The following TUSC3 variants were observed in gnomAD, a reference collection of about 807,000 sequenced individuals.
TUSC3 encodes dolichyl-diphosphooligosaccharide--protein glycosyltransferase subunit TUSC3.
Under a neutral mutation model 44.8 loss-of-function variants are expected in TUSC3, and 45 were observed. The ratio of observed to expected loss-of-function variants is 1.00; its 90% CI spans 0.79 to 1.29. TUSC3 has a LOEUF of 1.29. Among genes scored for constraint, TUSC3 ranks in the 50% most tolerant of loss-of-function variants. TUSC3 has a pLI of 0.00. For missense variants in TUSC3, 519 were observed against 437.9 expected, an observed-to-expected ratio of 1.19 and a Z score of -1.65; for synonymous variants, 212 against 152.9, an observed-to-expected ratio of 1.39 and a Z score of -2.85.
chr8:15,738,022 A>G (rs1195823238), intron 7 of TUSC3, among the ~76,000 whole-genome samples: 1 of 152,126 alleles, frequency 6.6e-6, no homozygotes, highest in Non-Finnish European at 1.5e-5. Context: ...ATCTTTAAAT[A>G]ATAGGGAGGG....
rs188014681 is a variant in TUSC3 at position 15,519,363 on chromosome 8, A to G, written n.189+35880A>G. 2.8e-3 allele frequency among the ~76,000 whole-genome samples: 427 copies of G among 152,260 alleles called. 2 individuals carry two copies. Among genetic ancestry groups the G allele is most frequent in the Non-Finnish European group, 4.2e-3 (288 of 68,018 alleles). The stretch of plus-strand genomic sequence containing the variant: ...TTTATAGCTTTTCTTTGTTACAGCT[A>G]TATAGGCTTTCAACAAGCTTATTAC... On this transcript the variant is annotated intron_variant and non_coding_transcript_variant, in intron 2 of 5. Coordinates refer to the TUSC3 transcript ENST00000503191.
chr8:15,582,725 C>G (rs1024901353), intron 1 of TUSC3, among the ~76,000 whole-genome samples: 1 of 152,298 alleles, frequency 6.6e-6, no homozygotes, highest in South Asian at 2.1e-4. Context: ...CTGGTGTAAC[C>G]TGAAACCAGT....
At chr8:15,823,324 A>G in the TUSC3 span, among the ~76,000 whole-genome samples, 1 of 152,118 alleles carries the variant, frequency 6.6e-6, no homozygotes, top group Admixed American at 6.6e-5. Flanking sequence ...AAGCAGCCAT[A>G]ACCTCAGTTT....
chr8:15,447,175 T>A (rs1480920541), intron 1 of TUSC3, among the ~76,000 whole-genome samples: 2 of 152,080 alleles, frequency 1.3e-5, no homozygotes, highest in Non-Finnish European at 2.9e-5. Flanking sequence ...ATATCAAGAA[T>A]AGTTATTCAG....
chr8:15,824,583 G>T, the TUSC3 span, among the ~76,000 whole-genome samples: 1 of 145,032 alleles, frequency 6.9e-6, no homozygotes, highest in Non-Finnish European at 1.5e-5. Flanking sequence ...ACAGGAAGGG[G>T]AACATCACAC....
downstream of TUSC3, among the ~76,000 whole-genome samples, chr8:15,768,412 C>T (rs545694559): frequency 6.6e-6 from 1 of 152,106 alleles, no homozygotes; most frequent in South Asian, 2.1e-4. Context: ...AAACATGAGG[C>T]ATATGAAGAG....
intron 6 of TUSC3, among the ~76,000 whole-genome samples, chr8:15,696,443 G>C (rs947676534): frequency 2.6e-5 from 4 of 152,284 alleles, no homozygotes; most frequent in African/African-American, 9.6e-5. Flanking sequence ...ATGCAGGGGT[G>C]GGGCACTCAA....
At chr8:15,470,422 T>C (rs1800474852) in intron 1 of TUSC3, among the ~76,000 whole-genome samples, 1 of 152,162 alleles carries the variant, frequency 6.6e-6, no homozygotes, top group Admixed American at 6.5e-5. Context: ...GGGTTAGTAA[T>C]GTAACCCTAA....
intron 10 of TUSC3, among the ~76,000 whole-genome samples, chr8:15,759,054 G>A (rs1585311689): frequency 6.6e-6 from 1 of 152,096 alleles, no homozygotes; most frequent in Non-Finnish European, 1.5e-5. Flanking sequence ...TGTACTTCTC[G>A]CTAGCATTCT....
chr8:15,499,992 C>G (rs144712536), intron 2 of TUSC3, among the ~76,000 whole-genome samples: 97 of 152,212 alleles, frequency 6.4e-4, no homozygotes, highest in Non-Finnish European at 1.0e-3. Flanking sequence ...ATATTTTAAA[C>G]TCCATTCCTT....
the TUSC3 span, among the ~76,000 whole-genome samples, chr8:15,775,872 C>T: frequency 2.6e-5 from 4 of 150,946 alleles, no homozygotes; most frequent in African/African-American, 9.7e-5. Context: ...TATATAGGAG[C>T]AAGATGCTTA....
intron 1 of TUSC3, among the ~76,000 whole-genome samples, chr8:15,563,787 C>G (rs555759113): frequency 6.0e-5 from 9 of 150,686 alleles, no homozygotes; most frequent in Non-Finnish European, 1.0e-4. Context: ...TTGCATGATA[C>G]TGAGAAAATA....
At chr8:15,629,292 G>T (rs1805652372) in intron 2 of TUSC3, among the ~76,000 whole-genome samples, 2 of 152,050 alleles carry the variant, frequency 1.3e-5, no homozygotes, top group South Asian at 4.1e-4. Context: ...TTTCAAAGGG[G>T]CGTCTGTTAA....
At chr8:15,489,444 T>A (rs985184596) in intron 2 of TUSC3, among the ~76,000 whole-genome samples, 1 of 152,184 alleles carries the variant, frequency 6.6e-6, no homozygotes, top group Non-Finnish European at 1.5e-5. Context: ...CTTTAGAAGT[T>A]GCTGGACTCT....
chr8:15,814,862 A>G, the TUSC3 span, among the ~76,000 whole-genome samples: 1 of 152,150 alleles, frequency 6.6e-6, no homozygotes, highest in Admixed American at 6.6e-5. Flanking sequence ...AAGTATATAA[A>G]TGTTGATTGC....
rs753786220 is a variant in TUSC3, at chr8:15,623,235, G to T, written c.294G>T (p.Gln98His). The part of the protein sequence containing the change: ...VMFTALQPQR[Q>H]CSVCRQANEE... ...TCACTGCTCTTCAGCCTCAGCGGCA[G>T]TGTTCTGTGTGCAGGTAATTTATGT... is the stretch of plus-strand genomic sequence containing the variant. Residue 98 changes from glutamine to histidine, a missense_variant, in exon 2 of 11, where the codon CAG becomes CAT. By Grantham distance (24) the Gln-to-His change is conservative (BLOSUM62 0). Coordinates refer to ENST00000503731, the MANE Select transcript of TUSC3 (RefSeq NM_006765.4). 1 of 1,605,948 alleles carries T rather than the reference G, an allele frequency of 6.2e-7. No individual in the cohort carries two copies. The highest frequency in any genetic ancestry group is 8.5e-7 in the Non-Finnish European group (1 of 1,176,224).
In TUSC3 at chr8:15,652,539, C is replaced by T. The variant is rs919521848; in HGVS notation, c.426+1725C>T. ...GGCAAGAAAAACATACATAGTTCTC[C>T]TCTATAAGCAGCTTACAGATTAGGG... On this transcript the variant is annotated intron_variant, in intron 3 of 10. Transcript: ENST00000503731. Among the ~76,000 whole-genome samples the T allele has an allele frequency of 1.8e-4, 28 of 151,946 alleles. 1 individual carries two copies. Among genetic ancestry groups the T allele is most frequent in the Non-Finnish European group, 3.7e-4 (25 of 67,960 alleles).
At chr8:15,739,871 T>G (rs1211082701) in intron 7 of TUSC3, among the ~76,000 whole-genome samples, 1 of 152,146 alleles carries the variant, frequency 6.6e-6, no homozygotes, top group African/African-American at 2.4e-5. Flanking sequence ...CTCTTTAGTT[T>G]TGTGACTTTG....
chr8:15,558,842 C>G (rs184773917), intron 1 of TUSC3, among the ~76,000 whole-genome samples: 2 of 149,574 alleles, frequency 1.3e-5, no homozygotes, highest in Non-Finnish European at 3.0e-5. Context: ...TCTGTGGGAT[C>G]GGTGGTGATA....
Sources: allele counts gnomAD v4.1 joint callset (sites outside exome capture counted in the v4.1 genomes callset), GRCh38; gene constraint gnomAD v4.1.1; transcripts MANE v1.5; gene names NCBI Gene and HGNC (gene_info 2026-07-23, HGNC 2026-07-21).